The following JAKMIP2 variants were observed in gnomAD, a reference collection of about 807,000 sequenced individuals.
JAKMIP2 encodes janus kinase and microtubule interacting protein 2.
JAKMIP2 carries 25 observed loss-of-function variants against 115.0 expected under a neutral mutation model. The ratio of observed to expected loss-of-function variants is 0.22; its 90% CI spans 0.16 to 0.30. The LOEUF (loss-of-function observed/expected upper bound fraction) is 0.30, where lower values mean the gene tolerates loss of function less well. JAKMIP2 is among the 10% of genes least tolerant of loss of function. The pLI, the probability that JAKMIP2 is intolerant of heterozygous loss-of-function variation, is 1.00. For synonymous variants in JAKMIP2, 334 were observed against 343.6 expected, an observed-to-expected ratio of 0.97 and a Z score of 0.31; for missense variants, 642 against 957.6, an observed-to-expected ratio of 0.67 and a Z score of 4.35.
chr5:147,644,220 T>G, intron 6 of JAKMIP2, 22 bp from the exon 7 acceptor site: 1 of 1,532,238 alleles, frequency 6.5e-7, no homozygotes, highest in Non-Finnish European at 8.9e-7. Context: ...AAGAAGAAAG[T>G]ACAGGTGGAG....
intron 2 of JAKMIP2, chr5:147,662,092 TG>T (rs1400940176): frequency 1.1e-4 from 17 of 150,462 alleles, no homozygotes; most frequent in African/African-American, 3.7e-4. Flanking sequence ...AGGTGAAAAA[TG>T]AAGACAGTTG....
chr5:147,627,603 G>GA (rs1363201918), intron 16 of JAKMIP2, among the ~76,000 whole-genome samples: 13 of 109,148 alleles, frequency 1.2e-4, no homozygotes, highest in South Asian at 9.5e-4. Flanking sequence ...TTTTTTAAAA[G>GA]AAAAAATTCC....
chr5:147,726,822 T>C (rs529124708), intron 1 of JAKMIP2, among the ~76,000 whole-genome samples: 20 of 152,338 alleles, frequency 1.3e-4, no homozygotes, highest in African/African-American at 4.3e-4. Context: ...CAGTACTTTC[T>C]TTTAGTCTCT....
At chr5:147,660,148 G>T (rs980897728) in intron 3 of JAKMIP2, among the ~76,000 whole-genome samples, 2 of 152,072 alleles carry the variant, frequency 1.3e-5, no homozygotes, top group African/African-American at 4.8e-5. Flanking sequence ...AAATTTTTTG[G>T]TCTAAAATAA....
chr5:147,638,798 A>G (rs1757744883), intron 10 of JAKMIP2, among the ~76,000 whole-genome samples: 1 of 152,118 alleles, frequency 6.6e-6, no homozygotes, highest in South Asian at 2.1e-4. Context: ...AAACCTAGGT[A>G]AACCTAGGTA....
At chr5:147,731,804 T>C (rs1046220416) in intron 1 of JAKMIP2, among the ~76,000 whole-genome samples, 2 of 152,234 alleles carry the variant, frequency 1.3e-5, no homozygotes. Context: ...CTATTTTGTT[T>C]CCAGCCATCT....
intron 1 of JAKMIP2, among the ~76,000 whole-genome samples, chr5:147,696,113 T>C (rs528429030): frequency 3.6e-4 from 55 of 152,156 alleles, no homozygotes; most frequent in Non-Finnish European, 6.8e-4. Flanking sequence ...AGTAAACATA[T>C]ACTGAGTGCC....
At chr5:147,680,018 T>C (rs1760175829) in intron 1 of JAKMIP2, among the ~76,000 whole-genome samples, 1 of 152,236 alleles carries the variant, frequency 6.6e-6, no homozygotes, top group South Asian at 2.1e-4. Flanking sequence ...TAAAATTTCC[T>C]AGCTGTATAT....
At chr5:147,702,304 A>G (rs1424565441) in intron 1 of JAKMIP2, among the ~76,000 whole-genome samples, 10 of 140,576 alleles carry the variant, frequency 7.1e-5, no homozygotes, top group Non-Finnish European at 1.4e-4. Context: ...GACTAGGGGG[A>G]AAGGGTGGAA....
At chr5:147,595,004 A>T (rs1008701350) in intron 21 of JAKMIP2, among the ~76,000 whole-genome samples, 1 of 152,062 alleles carries the variant, frequency 6.6e-6, no homozygotes, top group Non-Finnish European at 1.5e-5. Flanking sequence ...TTTAATGGTG[A>T]TGTGGGAAAT....
At position 147,782,568 on chromosome 5, in the gene JAKMIP2, G is replaced by A; in HGVS notation, c.-261C>T. ...GAACCCAACATCAGCAGTGGCTGCC[G>A]GTTTTTTTTTTCCCTCTGTCTCTGG... On this transcript the variant is annotated 5_prime_UTR_variant, in exon 1 of 22. Transcript: ENST00000616793. The A allele has an allele frequency of 8.3e-7, 1 of 1,200,166 alleles. No individual in the cohort carries two copies. The highest frequency in any genetic ancestry group is 1.2e-6 in the Non-Finnish European group (1 of 842,046). The allele number at this position is 1,200,166 out of a possible 1,614,324, so 74.3% of individuals were successfully genotyped here. A position where few individuals can be genotyped will look rare whatever the true frequency, so the allele number is the denominator to read the frequency against.
intron 1 of JAKMIP2, among the ~76,000 whole-genome samples, chr5:147,734,071 C>A (rs953661497): frequency 6.6e-6 from 1 of 152,260 alleles, no homozygotes; most frequent in Admixed American, 6.5e-5. Context: ...AACTAAATTA[C>A]CCTCCCACCA....
chr5:147,607,795 G>A (rs77648345), intron 20 of JAKMIP2, among the ~76,000 whole-genome samples: 4 of 152,040 alleles, frequency 2.6e-5, no homozygotes, highest in South Asian at 2.1e-4. Flanking sequence ...CTGTGAATCC[G>A]CCTGGTCCTG....
intron 1 of JAKMIP2, among the ~76,000 whole-genome samples, chr5:147,742,155 A>ATATATATATATATATATATATAT: frequency 3.7e-5 from 4 of 108,880 alleles, no homozygotes; most frequent in African/African-American, 1.1e-4. Context: ...ATATATATAT[A>ATATATATATATATATATATATAT]TTTTTTTTAC....
chr5:147,702,766 A>T (rs1752426591), intron 1 of JAKMIP2, among the ~76,000 whole-genome samples: 2 of 152,120 alleles, frequency 1.3e-5, no homozygotes, highest in Admixed American at 1.3e-4. Context: ...GAAGCTGATG[A>T]TCCAAACATG....
rs898322892 is a variant in JAKMIP2 at position 147,590,086 on chromosome 5, C to T, written c.*1621G>A. On this transcript the variant is annotated 3_prime_UTR_variant, in exon 22 of 22. Coordinates refer to ENST00000616793, the MANE Select transcript of JAKMIP2 (RefSeq NM_001270941.2). The stretch of plus-strand genomic sequence containing the variant: ...GTAAATGTAAGAACAAAAAGTGGGA[C>T]CCCAGCATTCTAGTTTTTATTGTAC... 1 of 152,132 alleles carries T rather than the reference C, an allele frequency of 6.6e-6. No individual in the cohort carries two copies. Among genetic ancestry groups the T allele is most frequent in the Admixed American group, 6.6e-5 (1 of 15,262 alleles). The allele number at this position is 152,132 out of a possible 1,614,324, so 9.4% of individuals were successfully genotyped here. A position where few individuals can be genotyped will look rare whatever the true frequency, so the allele number is the denominator to read the frequency against.
intron 2 of JAKMIP2, chr5:147,661,984 A>G (rs889188141): frequency 4.6e-5 from 7 of 152,386 alleles, no homozygotes; most frequent in African/African-American, 1.7e-4. Context: ...TATTGTGATA[A>G]GGCTAATAAA....
intron 14 of JAKMIP2, 57 bp from the exon 15 acceptor site, chr5:147,629,803 G>A: frequency 7.3e-7 from 1 of 1,368,072 alleles, no homozygotes; most frequent in Admixed American, 1.7e-5. Flanking sequence ...TATTCCATCA[G>A]TGCCTGAACA....
At chr5:147,729,224 G>A (rs1380502980) in intron 1 of JAKMIP2, among the ~76,000 whole-genome samples, 1 of 152,140 alleles carries the variant, frequency 6.6e-6, no homozygotes, top group Non-Finnish European at 1.5e-5. Flanking sequence ...CCTTGGCTAA[G>A]AATTTAGCCC....
Sources: gnomAD v4.1 joint callset for allele counts (sites outside exome capture counted in the v4.1 genomes callset) on GRCh38, gnomAD v4.1.1 for gene constraint, MANE v1.5 for transcripts, NCBI Gene and HGNC (gene_info 2026-07-23, HGNC 2026-07-21) for gene names.